The following PHGDH variants were observed in gnomAD, a reference collection of about 807,000 sequenced individuals.
PHGDH encodes phosphoglycerate dehydrogenase, also known as D-3-phosphoglycerate dehydrogenase.
PHGDH carries 50 observed loss-of-function variants against 52.6 expected under a neutral mutation model. That is an observed-to-expected ratio of 0.95 (90% CI 0.76 to 1.20). The LOEUF (loss-of-function observed/expected upper bound fraction) is 1.20, where lower values mean the gene tolerates loss of function less well. Among genes scored for constraint, PHGDH ranks in the 50% most tolerant of loss-of-function variants. PHGDH has a pLI of 0.00. For synonymous variants in PHGDH, 271 were observed against 280.5 expected, an observed-to-expected ratio of 0.97 and a Z score of 0.34; for missense variants, 630 against 684.6, an observed-to-expected ratio of 0.92 and a Z score of 0.89.
At chr1:119,731,703 A>G (rs1389830945) in intron 5 of PHGDH, among the ~76,000 whole-genome samples, 1 of 152,218 alleles carries the variant, frequency 6.6e-6, no homozygotes, top group Non-Finnish European at 1.5e-5. Flanking sequence ...AGATAATGCA[A>G]CTATGAACTG....
chr1:119,718,198 T>C (rs1651011431), intron 1 of PHGDH, among the ~76,000 whole-genome samples: 1 of 152,204 alleles, frequency 6.6e-6, no homozygotes, highest in South Asian at 2.1e-4. Flanking sequence ...CTGGTTTAGG[T>C]GTCTAAATGC....
chr1:119,735,234 C>G (rs1651877481), intron 6 of PHGDH, 61 bp from the exon 7 acceptor site: 1 of 1,609,558 alleles, frequency 6.2e-7, no homozygotes, highest in Non-Finnish European at 8.5e-7. Context: ...CTCTGGAAGC[C>G]AGGGATGAGC....
At chr1:119,723,471 T>A in intron 3 of PHGDH, 30 bp downstream of exon 3, 1 of 1,542,198 alleles carries the variant, frequency 6.5e-7, no homozygotes, top group Non-Finnish European at 9.0e-7. Flanking sequence ...GCAAAGCTAG[T>A]CTCTCCGATA....
At chr1:119,721,128 C>T (rs587662518) in intron 1 of PHGDH, 42 bp from the exon 2 acceptor site, 2 of 1,604,390 alleles carry the variant, frequency 1.2e-6, no homozygotes, top group South Asian at 2.2e-5. Flanking sequence ...TACGAGTTCT[C>T]ACAGAATGAC....
rs748335207 is a variant in PHGDH at position 119,734,627 on chromosome 1, C to T, written c.511-7C>T. The T allele has an allele frequency of 1.1e-5, 18 of 1,613,744 alleles. No individual in the cohort carries two copies. In the African/African-American group the frequency reaches 1.6e-4, roughly 14 times the overall value. On this transcript the variant is annotated splice_region_variant and splice_polypyrimidine_tract_variant and intron_variant, in intron 5 of 11. Coordinates refer to ENST00000641023, the MANE Select transcript of PHGDH (RefSeq NM_006623.4). ...ACACTTCCTCCCTCTCTCTTGCTTCCAACCAGACTATAGGGTATGACCCCA... is the reference window on the plus strand; with the variant it reads ...ACACTTCCTCCCTCTCTCTTGCTTCTAACCAGACTATAGGGTATGACCCCA...
At chr1:119,742,314 G>A (rs1169400646) in intron 10 of PHGDH, 3 of 355,910 alleles carry the variant, frequency 8.4e-6, no homozygotes, top group Non-Finnish European at 1.6e-5. Context: ...CTTCCCGTTG[G>A]CGCCTTCCCC....
At chr1:119,726,667 C>T (rs1651433832) in intron 3 of PHGDH, 184 bp from the exon 4 acceptor site, 5 of 654,900 alleles carry the variant, frequency 7.6e-6, no homozygotes, top group Admixed American at 2.2e-5. Flanking sequence ...TCAGATCTTG[C>T]CAAGGGTTTC....
intron 1 of PHGDH, chr1:119,720,270 A>T (rs115546371): frequency 6.6e-6 from 1 of 152,148 alleles, no homozygotes; most frequent in Non-Finnish European, 1.5e-5. Flanking sequence ...TTGCATATGT[A>T]TATTTTTAGT....
chr1:119,734,531 A>G, intron 5 of PHGDH, 103 bp from the exon 6 acceptor site: 1 of 1,030,408 alleles, frequency 9.7e-7, no homozygotes, highest in South Asian at 1.3e-5. Flanking sequence ...TGAGCATGGT[A>G]GTTAGTATAT....
rs1293972451 is a variant in PHGDH at position 119,726,945 on chromosome 1, C to T, written c.411+40C>T. On this transcript the variant is annotated intron_variant, in intron 4 of 11. Coordinates refer to ENST00000641023, the MANE Select transcript of PHGDH (RefSeq NM_006623.4). Reference sequence around the variant, plus strand: ...TGACTCGCCCCACCTGGGCTCAGGGCCCGGGGTCCACTCATGTTGCTGACT... The same window carrying T: ...TGACTCGCCCCACCTGGGCTCAGGGTCCGGGGTCCACTCATGTTGCTGACT... The T allele has an allele frequency of 1.9e-6, 3 of 1,607,972 alleles. No individual in the cohort carries two copies. The Admixed American group carries it at 5.0e-5, about 27-fold the overall frequency.
At chr1:119,722,777 G>A (rs956382041) in intron 2 of PHGDH, among the ~76,000 whole-genome samples, 47 of 152,026 alleles carry the variant, frequency 3.1e-4, no homozygotes, top group Admixed American at 2.4e-3. Context: ...GCACCAGCCT[G>A]TAGTCTCAGC....
Position 119,741,807 on chromosome 1 carries a change from A to G in PHGDH, c.1119A>G (p.Ala373=), listed in dbSNP as rs1237680315. 1 of 1,613,418 alleles carries G rather than the reference A, an allele frequency of 6.2e-7. No homozygotes were observed. Among genetic ancestry groups the G allele is most frequent in the Non-Finnish European group, 8.5e-7 (1 of 1,179,316 alleles). Residue 373 remains alanine (A), a synonymous_variant, in exon 10 of 12, where the codon GCA becomes GCG. Transcript: ENST00000641023. The stretch of plus-strand genomic sequence containing the variant: ...ATGCTGGGAACTGCCTAAGCCCCGC[A>G]GTCATTGTCGGCCTCCTGAAAGAGG... The part of the protein sequence containing the change: ...LKNAGNCLSP[A]VIVGLLKEAS...
chr1:119,738,334 C>T (rs1652036020), intron 8 of PHGDH, among the ~76,000 whole-genome samples: 1 of 152,222 alleles, frequency 6.6e-6, no homozygotes, highest in African/African-American at 2.4e-5. Flanking sequence ...CCCTCCAGGC[C>T]TCTCTGCCCC....
chr1:119,731,717 A>T (rs1651701451), intron 5 of PHGDH, among the ~76,000 whole-genome samples: 1 of 152,184 alleles, frequency 6.6e-6, no homozygotes, highest in Admixed American at 6.5e-5. Flanking sequence ...TGAACTGGTG[A>T]ATTTCGGCTC....
chr1:119,730,202 G>C (rs1263758730), intron 5 of PHGDH: 1 of 152,208 alleles, frequency 6.6e-6, no homozygotes, highest in Non-Finnish European at 1.5e-5. Context: ...TATTGTGAAA[G>C]AGATGTATAA....
rs1652328062 is a variant in PHGDH, at chr1:119,743,917, G to A, written c.1479G>A (p.Leu493=). The change falls in exon 12 of 12, where the codon CTG becomes CTA. Residue 493 remains leucine, a synonymous_variant. Coordinates refer to ENST00000641023, the MANE Select transcript of PHGDH (RefSeq NM_006623.4). ...GLLAEAGVRL[L]SYQTSLVSDG... is the part of the protein sequence containing the mutation. The stretch of plus-strand genomic sequence containing the variant: ...TGGCAGAGGCAGGCGTGCGGCTGCT[G>A]TCCTACCAGACTTCACTGGTGTCAG... The A allele has an allele frequency of 6.2e-7, 1 of 1,613,918 alleles. No homozygotes were observed. Among genetic ancestry groups the A allele is most frequent in the Non-Finnish European group, 8.5e-7 (1 of 1,179,808 alleles).
At chr1:119,743,638 G>A (rs1316985977) in intron 11 of PHGDH, among the ~76,000 whole-genome samples, 1 of 152,208 alleles carries the variant, frequency 6.6e-6, no homozygotes, top group Non-Finnish European at 1.5e-5. Flanking sequence ...CTGTTGGCTG[G>A]ATAAAACTGG....
At chr1:119,732,634 C>T (rs1271896955) in intron 5 of PHGDH, among the ~76,000 whole-genome samples, 1 of 152,224 alleles carries the variant, frequency 6.6e-6, no homozygotes, top group African/African-American at 2.4e-5. Context: ...GAGGTTTGCT[C>T]AGCCAGATTC....
intron 5 of PHGDH, among the ~76,000 whole-genome samples, chr1:119,732,992 G>A (rs1262587234): frequency 2.0e-5 from 3 of 152,222 alleles, no homozygotes; most frequent in African/African-American, 7.2e-5. Flanking sequence ...CTCAGGGCCA[G>A]CAGACGAAGA....
Sources: allele counts gnomAD v4.1 joint callset (sites outside exome capture counted in the v4.1 genomes callset), GRCh38; gene constraint gnomAD v4.1.1; transcripts MANE v1.5; gene names NCBI Gene and HGNC (gene_info 2026-07-23, HGNC 2026-07-21).